The following MTCL3 variants were observed in gnomAD, a reference collection of about 807,000 sequenced individuals.
MTCL3 encodes the protein MTCL family member 3, also known as microtubule cross-linking factor 3.
At chr6:127,483,255 G>A in the MTCL3 span, among the ~76,000 whole-genome samples, 198 of 152,222 alleles carry the variant, frequency 1.3e-3, no homozygotes, top group African/African-American at 4.4e-3. Flanking sequence ...AAAAACAACA[G>A]ACAAAATTGA....
the MTCL3 span, among the ~76,000 whole-genome samples, chr6:127,484,375 G>A: frequency 6.6e-6 from 1 of 152,190 alleles, no homozygotes; most frequent in East Asian, 1.9e-4. Context: ...AGTTCTTTCT[G>A]TTGCTTGTAT....
the MTCL3 span, among the ~76,000 whole-genome samples, chr6:127,509,230 A>G: frequency 1.8e-3 from 275 of 152,298 alleles, 1 homozygote; most frequent in African/African-American, 6.5e-3. Context: ...AGCTATTTCA[A>G]TACAAGCAAT....
chr6:127,509,944 C>T, the MTCL3 span, among the ~76,000 whole-genome samples: 1 of 152,134 alleles, frequency 6.6e-6, no homozygotes, highest in Non-Finnish European at 1.5e-5. Flanking sequence ...TGACATTTTT[C>T]TGAACACTAT....
chr6:127,501,058 T>C, the MTCL3 span, among the ~76,000 whole-genome samples: 1 of 152,224 alleles, frequency 6.6e-6, no homozygotes, highest in Non-Finnish European at 1.5e-5. Context: ...GTGATCTGCC[T>C]GCCTTGGCCT....
the MTCL3 span, among the ~76,000 whole-genome samples, chr6:127,502,119 G>A: frequency 6.6e-6 from 1 of 152,102 alleles, no homozygotes; most frequent in Admixed American, 6.6e-5. Context: ...TTTTTTATAT[G>A]TATCACTGTG....
chr6:127,494,433 T>C, the MTCL3 span, among the ~76,000 whole-genome samples: 2 of 152,074 alleles, frequency 1.3e-5, no homozygotes, highest in African/African-American at 4.8e-5. Flanking sequence ...CTGGAGGAAA[T>C]AGCACTGACA....
At chr6:127,505,684 A>G in the MTCL3 span, among the ~76,000 whole-genome samples, 1 of 152,192 alleles carries the variant, frequency 6.6e-6, no homozygotes, top group South Asian at 2.1e-4. Context: ...AAAAATAAAA[A>G]AGATACATGT....
chr6:127,499,186 G>A, the MTCL3 span, among the ~76,000 whole-genome samples: 14 of 152,182 alleles, frequency 9.2e-5, no homozygotes, highest in East Asian at 5.8e-4. Flanking sequence ...AGAAGATAGC[G>A]TTAGAAAATA....
chr6:127,504,128 A>G, the MTCL3 span, among the ~76,000 whole-genome samples: 72 of 152,302 alleles, frequency 4.7e-4, no homozygotes, highest in African/African-American at 1.3e-3. Context: ...GTAATATTAC[A>G]GAAGAAGGTG....
the MTCL3 span, among the ~76,000 whole-genome samples, chr6:127,487,071 A>T: frequency 3.3e-5 from 5 of 152,164 alleles, no homozygotes; most frequent in Non-Finnish European, 7.3e-5. Flanking sequence ...TAAGCACTTT[A>T]TATGTATCTA....
At chr6:127,491,070 ATGAGCAAAGGAAGTGATTTCT>A in the MTCL3 span, among the ~76,000 whole-genome samples, 1 of 152,226 alleles carries the variant, frequency 6.6e-6, no homozygotes, top group Admixed American at 6.5e-5. Context: ...TTTCTTATAG[ATGAGCAAAGGAAGTGATTTCT>A]TGAAATGAAC....
chr6:127,518,905 C>T, the MTCL3 span: 1 of 152,306 alleles, frequency 6.6e-6, no homozygotes, highest in African/African-American at 2.4e-5. Flanking sequence ...CAGACGCTCC[C>T]CAGGAAGTGC....
chr6:127,518,732 CTT>C, the MTCL3 span: 3 of 152,200 alleles, frequency 2.0e-5, no homozygotes, highest in Non-Finnish European at 4.4e-5. Context: ...CTGAGCATGA[CTT>C]TGGGCTCGCT....
At chr6:127,490,544 C>T in the MTCL3 span, among the ~76,000 whole-genome samples, 4 of 151,468 alleles carry the variant, frequency 2.6e-5, no homozygotes, top group Non-Finnish European at 4.4e-5. Flanking sequence ...TTGGGCCAGG[C>T]GCAGTGGCTC....
At chr6:127,506,706 G>A in the MTCL3 span, among the ~76,000 whole-genome samples, 5 of 151,992 alleles carry the variant, frequency 3.3e-5, no homozygotes, top group South Asian at 2.1e-4. Flanking sequence ...TCAGCCTCCC[G>A]AGTAGCTGGG....
the MTCL3 span, among the ~76,000 whole-genome samples, chr6:127,481,865 G>A: frequency 2.0e-5 from 3 of 152,320 alleles, no homozygotes; most frequent in South Asian, 6.2e-4. Flanking sequence ...GTTGGCACAA[G>A]ATACAGGTCA....
At chr6:127,481,202 G>T in the MTCL3 span, 2 of 694,858 alleles carry the variant, frequency 2.9e-6, no homozygotes, top group South Asian at 6.5e-5. Flanking sequence ...CACAGGAAGT[G>T]TAAGAATAGG....
At chr6:127,494,649 G>C in the MTCL3 span, among the ~76,000 whole-genome samples, 3 of 152,164 alleles carry the variant, frequency 2.0e-5, no homozygotes, top group African/African-American at 7.2e-5. Context: ...CAGTGAAGTA[G>C]TTTATGATAC....
At chr6:127,513,200 T>C in the MTCL3 span, 2 of 694,040 alleles carry the variant, frequency 2.9e-6, no homozygotes, top group Non-Finnish European at 4.6e-6. Context: ...ATATAAGCCA[T>C]TCACATATAT....
Sources: allele counts gnomAD v4.1 joint callset (sites outside exome capture counted in the v4.1 genomes callset), GRCh38; gene constraint gnomAD v4.1.1; transcripts MANE v1.5; gene names NCBI Gene and HGNC (gene_info 2026-07-23, HGNC 2026-07-21).